The following PDE12 variants were observed in gnomAD, a reference collection of about 807,000 sequenced individuals.
PDE12 encodes 2',5'-phosphodiesterase 12.
In PDE12, 26 loss-of-function variants were observed where a neutral mutation model predicts 45.4. The observed-to-expected ratio is 0.57, with a 90% CI of 0.42 to 0.79. The LOEUF (loss-of-function observed/expected upper bound fraction) is 0.79, where lower values mean the gene tolerates loss of function less well. Ranked by LOEUF, PDE12 falls within the 30% of genes least tolerant of loss-of-function variation. The probability of loss-of-function intolerance (pLI) is 0.00; values close to 1 mark genes in which losing one functional copy is unlikely to be tolerated. For synonymous variants in PDE12, 283 were observed against 323.9 expected (o/e 0.87, Z 1.36); for missense variants, 668 against 790.0 (o/e 0.85, Z 1.85).
At chr3:57,569,757 AG>A (rs574682485), downstream of PDE12, among the ~76,000 whole-genome samples, 49 of 145,390 alleles carry the variant, frequency 3.4e-4, 1 homozygote, top group South Asian at 7.5e-3. Context: ...ACTTGAGCCC[AG>A]GAAGTAAAGG....
the PDE12 span, among the ~76,000 whole-genome samples, chr3:57,573,077 C>T: frequency 6.6e-6 from 1 of 151,754 alleles, no homozygotes; most frequent in East Asian, 1.9e-4. Context: ...TGGTGGGCGC[C>T]TGTAGTCCCA....
chr3:57,610,400 GAAAT>G, the PDE12 span, among the ~76,000 whole-genome samples: 11 of 152,118 alleles, frequency 7.2e-5, no homozygotes, highest in Admixed American at 6.6e-4. Flanking sequence ...TCAGGCAGGA[GAAAT>G]AAATAAAGGG....
the PDE12 span, among the ~76,000 whole-genome samples, chr3:57,649,937 A>G: frequency 6.6e-6 from 1 of 151,562 alleles, no homozygotes; most frequent in Non-Finnish European, 1.5e-5. Flanking sequence ...ACACACACAC[A>G]CACACCGTGG....
the PDE12 span, among the ~76,000 whole-genome samples, chr3:57,595,795 C>A: frequency 1.3e-5 from 2 of 151,818 alleles, no homozygotes; most frequent in Admixed American, 1.3e-4. Flanking sequence ...ACTAATAATA[C>A]AAAAAATTAG....
the PDE12 span, among the ~76,000 whole-genome samples, chr3:57,650,794 T>TTG: frequency 6.6e-6 from 1 of 151,522 alleles, no homozygotes; most frequent in African/African-American, 2.4e-5. Context: ...AATTTTTTTT[T>TTG]TTTTTTTGAG....
chr3:57,597,150 G>A, the PDE12 span: 2 of 1,613,398 alleles, frequency 1.2e-6, no homozygotes, highest in Non-Finnish European at 1.7e-6. Flanking sequence ...TGGCGGTAGT[G>A]GCACTTGTGA....
the PDE12 span, among the ~76,000 whole-genome samples, chr3:57,600,570 T>A: frequency 1.3e-5 from 2 of 151,894 alleles, no homozygotes; most frequent in African/African-American, 4.8e-5. Flanking sequence ...AGCTATTTTA[T>A]GTATTTTTGG....
the PDE12 span, among the ~76,000 whole-genome samples, chr3:57,595,809 G>C: frequency 6.6e-6 from 1 of 151,898 alleles, no homozygotes; most frequent in Non-Finnish European, 1.5e-5. Context: ...AAATTAGCCA[G>C]GCGTGGTGTT....
chr3:57,594,125 G>A, the PDE12 span, among the ~76,000 whole-genome samples: 3 of 151,956 alleles, frequency 2.0e-5, no homozygotes, highest in Non-Finnish European at 4.4e-5. Context: ...GCTTGGTGGC[G>A]GGCGCTTGTA....
the PDE12 span, among the ~76,000 whole-genome samples, chr3:57,617,892 A>G: frequency 6.6e-6 from 1 of 152,004 alleles, no homozygotes; most frequent in Admixed American, 6.6e-5. Context: ...AAACAAAAAA[A>G]CCATAGTGGA....
the PDE12 span, chr3:57,572,260 A>T: frequency 6.2e-7 from 1 of 1,614,130 alleles, no homozygotes; most frequent in Non-Finnish European, 8.5e-7. Flanking sequence ...CTTCATACAG[A>T]CCAGTTCCTT....
At chr3:57,642,133 T>G in the PDE12 span, among the ~76,000 whole-genome samples, 1 of 151,720 alleles carries the variant, frequency 6.6e-6, no homozygotes. Context: ...GCCAACATGG[T>G]GAAACCCCAT....
At chr3:57,614,534 T>TG in the PDE12 span, among the ~76,000 whole-genome samples, 6 of 126,978 alleles carry the variant, frequency 4.7e-5, no homozygotes, top group East Asian at 2.8e-4. Flanking sequence ...TTTTTTTTTT[T>TG]TTGTTTTTTG....
At chr3:57,609,972 G>A in the PDE12 span, among the ~76,000 whole-genome samples, 1 of 152,242 alleles carries the variant, frequency 6.6e-6, no homozygotes, top group South Asian at 2.1e-4. Context: ...AAACATCAAT[G>A]CAAAAATTCT....
In PDE12 at chr3:57,556,530, C is replaced by G; in HGVS notation, c.151C>G (p.Leu51Val). ...CGTACCTTCGGAACCCAAGCTGAGC[C>G]TGTCATTCGCTTTGGCTGATGGTAG... ...RCVPSEPKLS[L>V]SFALADGSHK... The change falls in exon 1 of 3, where the codon CTG becomes GTG. Residue 51 changes from leucine (L) to valine (V), a missense_variant. By Grantham distance (32) the Leu-to-Val change is conservative. Around this residue, in one of 3 missense-constraint regions of PDE12, gnomAD observed 580 missense variants for 662.9 expected, o/e 0.87. Transcript: ENST00000311180. This position sits in a 1 kb window ranked among gnomAD's most constrained non-coding sequence, Gnocchi z 5.0. 1 of 1,613,570 alleles carries G rather than the reference C, an allele frequency of 6.2e-7. No homozygotes were observed. Among genetic ancestry groups the G allele is most frequent in the Non-Finnish European group, 8.5e-7 (1 of 1,179,984 alleles).
Position 57,556,737 on chromosome 3 carries a change from G to A in PDE12, c.358G>A (p.Glu120Lys). The A allele has an allele frequency of 6.3e-7, 1 of 1,597,262 alleles. No homozygotes were observed. Among genetic ancestry groups the A allele is most frequent in the East Asian group, 2.2e-5 (1 of 44,518 alleles). Residue 120 changes from glutamate (E) to lysine (K), a missense_variant, in exon 1 of 3, where the codon GAG (glutamate) becomes AAG (lysine). Around this residue, in one of 3 missense-constraint regions of PDE12, gnomAD observed 580 missense variants for 662.9 expected, o/e 0.87. Transcript: ENST00000311180. The surrounding 1 kb of genome is among the most constrained non-coding windows in gnomAD (Gnocchi z 5.0). ...GGGGCCTGAGCCGGCTGTGTTCTGC[G>A]AGCCCGTGGTGAAGCTGTACTACCG... ...GPGPEPAVFC[E>K]PVVKLYYREE... is the part of the protein sequence containing the mutation.
At chr3:57,615,286 A>G in the PDE12 span, among the ~76,000 whole-genome samples, 1 of 152,196 alleles carries the variant, frequency 6.6e-6, no homozygotes, top group Admixed American at 6.5e-5. Context: ...GTACACATGG[A>G]AAAAGAAATT....
Position 57,560,281 on chromosome 3 carries a change from AAAGG to A in PDE12, c.*281_*284del, listed in dbSNP as rs1182703894. On this transcript the variant is annotated 3_prime_UTR_variant, in exon 3 of 3. Transcript: ENST00000311180. ...TTTTCTCCAAATTGAGACTCTCAGA[AAAGG>A]AAGATTGAATTAGCGTGTTTTTTGT... The A allele has an allele frequency of 8.4e-7, 1 of 1,188,550 alleles. No homozygotes were observed. The highest frequency in any genetic ancestry group is 1.6e-5 in the African/African-American group (1 of 62,854). 73.6% of individuals were successfully genotyped at this position (1,188,550 alleles called of 1,614,324 possible).
chr3:57,603,881 C>T, the PDE12 span, among the ~76,000 whole-genome samples: 1 of 152,040 alleles, frequency 6.6e-6, no homozygotes, highest in East Asian at 1.9e-4. Flanking sequence ...CTCAGCCTCC[C>T]AAAGTGCTGG....
Sources: allele counts gnomAD v4.1 joint callset (sites outside exome capture counted in the v4.1 genomes callset), GRCh38; gene constraint gnomAD v4.1.1; regional missense constraint gnomAD v4.1.1; non-coding constraint Gnocchi (gnomAD v3.1); transcripts MANE v1.5; gene names NCBI Gene and HGNC (gene_info 2026-07-23, HGNC 2026-07-21).